F8: variants seen among roughly 807,000 people sequenced by gnomAD.
F8 encodes the protein coagulation factor VIII.
A neutral mutation model predicts 140.6 loss-of-function variants in F8; 12 were observed. The observed-to-expected ratio is 0.09, with a 90% confidence interval of 0.05 to 0.14. The LOEUF (loss-of-function observed/expected upper bound fraction) is 0.14, where lower values mean the gene tolerates loss of function less well. Ranked by LOEUF, F8 falls within the 10% of genes least tolerant of loss-of-function variation. F8 has a pLI of 1.00. For synonymous variants in F8, 585 were observed against 614.6 expected (o/e 0.95, Z 0.71); for missense variants, 1,354 against 1,720.7 (o/e 0.79, Z 3.77).
chrX:154,971,158 C>T (rs782659638), intron 6 of F8, among the ~76,000 whole-genome samples: 29 of 110,699 alleles, frequency 2.6e-4, no homozygotes, highest in Admixed American at 1.9e-3. Flanking sequence ...TTTTTTCTTC[C>T]CCCAAAATTG....
rs1284595438 is a variant in F8, at chrX:154,929,542, T to A, written c.4248A>T (p.Pro1416=). 2 of 1,210,808 alleles carry A rather than the reference T, an allele frequency of 1.7e-6. No individual in the cohort carries two copies. Among genetic ancestry groups the A allele is most frequent in the East Asian group, 5.9e-5 (2 of 33,839 alleles). ...TGGTCAGATATATAGGTCTAATAGA[T>A]GGAAATGATGATACCTTTGCAATGG... ...PLPIAKVSSF[P]SIRPIYLTRV... The change falls in exon 14 of 26, where the codon CCA becomes CCT. Residue 1416 remains proline (P), a synonymous_variant. Coordinates refer to ENST00000360256, the MANE Select transcript of F8 (RefSeq NM_000132.4).
chrX:154,856,932 T>C (rs1240603872), intron 25 of F8, among the ~76,000 whole-genome samples: 1 of 111,920 alleles, frequency 8.9e-6, no homozygotes, highest in Non-Finnish European at 1.9e-5. Flanking sequence ...AAATGATCAA[T>C]GGAATTTTAG....
At chrX:154,905,996 T>C (rs2073036020) in intron 15 of F8, among the ~76,000 whole-genome samples, 1 of 111,702 alleles carries the variant, frequency 9.0e-6, no homozygotes, top group Admixed American at 9.5e-5. Flanking sequence ...GATGCTCAAA[T>C]ACATTGCACT....
rs191742205 is a variant in F8 at position 154,855,952 on chromosome X, C to T, written c.6900+4480G>A. On this transcript the variant is annotated intron_variant, in intron 25 of 25. Coordinates refer to ENST00000360256, the MANE Select transcript of F8 (RefSeq NM_000132.4). ...GGATGTGAGATAACGGTGGAAGGCA[C>T]GTAAAGTTGGATTAGGCCAAATTTA... Among the ~76,000 whole-genome samples the T allele has an allele frequency of 5.4e-5, 6 of 111,326 alleles. No homozygotes were observed. The East Asian group carries it at 8.4e-4, about 16-fold the overall frequency.
intron 22 of F8, among the ~76,000 whole-genome samples, chrX:154,891,536 A>G (rs2148581974): frequency 8.9e-6 from 1 of 112,685 alleles, no homozygotes; most frequent in African/African-American, 3.2e-5. Context: ...AGTGTAATGG[A>G]CAGGCATTGT....
At chrX:155,003,960 C>CAAAAAAA (rs869097926) in intron 1 of F8, among the ~76,000 whole-genome samples, 4 of 33,127 alleles carry the variant, frequency 1.2e-4, no homozygotes, top group African/African-American at 2.5e-4. Flanking sequence ...GATTCTGTCT[C>CAAAAAAA]AAAAAAAAAA....
chrX:155,013,139 C>T (rs1430845355), intron 1 of F8, among the ~76,000 whole-genome samples: 1 of 82,671 alleles, frequency 1.2e-5, no homozygotes, highest in Non-Finnish European at 2.2e-5. Flanking sequence ...GAGCGAGACT[C>T]CGTCTCAAAA....
intron 13 of F8, among the ~76,000 whole-genome samples, chrX:154,944,496 C>T (rs1396082532): frequency 7.2e-5 from 8 of 110,944 alleles, no homozygotes; most frequent in African/African-American, 2.3e-4. Flanking sequence ...GTTAGAATGG[C>T]GATCATTAAA....
At chrX:154,991,695 C>T (rs2073589321) in intron 4 of F8, among the ~76,000 whole-genome samples, 1 of 112,116 alleles carries the variant, frequency 8.9e-6, no homozygotes, top group Admixed American at 9.5e-5. Flanking sequence ...GGTTTTGGCA[C>T]TTTCTCATTA....
chrX:154,904,137 T>C, intron 17 of F8, 49 bp from the exon 18 acceptor site: 1 of 1,184,014 alleles, frequency 8.4e-7, no homozygotes, highest in Non-Finnish European at 1.1e-6. Context: ...TATAAGTTTC[T>C]TTCTCTCCAC....
intron 18 of F8, 104 bp from the exon 19 acceptor site, chrX:154,902,271 T>G: frequency 2.3e-5 from 14 of 598,457 alleles, no homozygotes; most frequent in Middle Eastern, 3.4e-4. Context: ...CCAAATTTGG[T>G]AGTTCCACTA....
At chrX:154,903,276 A>G (rs2073019142) in intron 18 of F8, among the ~76,000 whole-genome samples, 1 of 110,847 alleles carries the variant, frequency 9.0e-6, no homozygotes, top group Non-Finnish European at 1.9e-5. Flanking sequence ...CCTGGGCTCA[A>G]GCAATCCTTC....
Position 155,004,996 on chromosome X carries a change from G to A in F8, c.144-5396C>T, listed in dbSNP as rs191800405. On this transcript the variant is annotated intron_variant, in intron 1 of 25. Coordinates refer to ENST00000360256, the MANE Select transcript of F8 (RefSeq NM_000132.4). Reference sequence around the variant, plus strand: ...TGGAAAACAAGGAGTGTAAGTAGGAGCAGCCTCACACTACCATTACTCCCA... The same window carrying A: ...TGGAAAACAAGGAGTGTAAGTAGGAACAGCCTCACACTACCATTACTCCCA... Among the ~76,000 whole-genome samples, 3 of 111,915 alleles carry A rather than the reference G, an allele frequency of 2.7e-5. No individual in the cohort carries two copies. The Admixed American group carries it at 2.8e-4, about 11-fold the overall frequency.
intron 1 of F8, among the ~76,000 whole-genome samples, chrX:155,012,170 G>A (rs1557286625): frequency 8.0e-5 from 9 of 112,278 alleles, no homozygotes; most frequent in Non-Finnish European, 1.9e-5. Flanking sequence ...CAATAAAAAT[G>A]TGGAGATTTA....
intron 3 of F8, among the ~76,000 whole-genome samples, chrX:154,994,766 T>C (rs1221036117): frequency 9.0e-6 from 1 of 111,706 alleles, no homozygotes; most frequent in African/African-American, 3.3e-5. Flanking sequence ...CATTCTAAAG[T>C]TAACATTTCC....
At position 154,929,841 on chromosome X, in the gene F8, A is replaced by G. The variant is rs782499898; in HGVS notation, c.3949T>C (p.Ser1317Pro). The change falls in exon 14 of 26, where the codon TCT becomes CCT. Residue 1317 changes from serine (S) to proline (P), a missense_variant. By Grantham distance (74) the Ser-to-Pro change is moderately conservative. Around this residue, in one of 4 missense-constraint regions of F8, gnomAD observed 658 missense variants for 666.5 expected, o/e 0.99. Transcript: ENST00000360256. ...VEKYACTTRI[S>P]PNTSQQNFVT... ...AAATTCTGCTGGCTTGTATTAGGAG[A>G]TATCCTTGTGGTGCATGCATATTTC... 8.3e-7 allele frequency: 1 copy of G among 1,209,750 alleles called. No individual in the cohort carries two copies. The highest frequency in any genetic ancestry group is 3.0e-5 in the East Asian group (1 of 33,773).
chrX:155,011,039 G>C (rs782577478), intron 1 of F8, among the ~76,000 whole-genome samples: 9 of 112,099 alleles, frequency 8.0e-5, no homozygotes, highest in Non-Finnish European at 1.5e-4. Flanking sequence ...AACCAAAGGG[G>C]TAAAATAAAT....
chrX:154,954,143 T>C, intron 11 of F8, 101 bp from the exon 12 acceptor site: 1 of 864,317 alleles, frequency 1.2e-6, no homozygotes, highest in Non-Finnish European at 1.7e-6. Flanking sequence ...ATGTGATATA[T>C]CTAATCCATT....
intron 6 of F8, among the ~76,000 whole-genome samples, chrX:154,974,378 T>C (rs2073474104): frequency 8.9e-6 from 1 of 112,468 alleles, no homozygotes. Flanking sequence ...ATGCCTTTAC[T>C]GTGTCTATTA....
Sources: gnomAD v4.1 joint callset for allele counts (sites outside exome capture counted in the v4.1 genomes callset) on GRCh38, gnomAD v4.1.1 for gene constraint, gnomAD v4.1.1 regional missense constraint, MANE v1.5 for transcripts, NCBI Gene and HGNC (gene_info 2026-07-23, HGNC 2026-07-21) for gene names.